Variants in CDK19 observed in about 807,000 individuals in gnomAD.
The protein encoded by CDK19 is cyclin dependent kinase 19.
In CDK19, 20 loss-of-function variants were observed where a neutral mutation model predicts 68.3. The ratio of observed to expected loss-of-function variants is 0.29; its 90% CI spans 0.21 to 0.43. CDK19 has a LOEUF of 0.43. Among genes scored for constraint, CDK19 ranks in the 20% least tolerant of loss-of-function variants. The pLI, the probability that CDK19 is intolerant of heterozygous loss-of-function variation, is 1.00. For synonymous variants in CDK19, 221 were observed against 222.8 expected (o/e 0.99, Z 0.07); for missense variants, 339 against 623.5 (o/e 0.54, Z 4.86).
chr6:110,767,371 A>C (rs1272737200), intron 1 of CDK19, among the ~76,000 whole-genome samples: 2 of 151,544 alleles, frequency 1.3e-5, no homozygotes, highest in African/African-American at 4.8e-5. Flanking sequence ...TAAACCCAGC[A>C]CTTTGGGAGG....
intron 2 of CDK19, among the ~76,000 whole-genome samples, chr6:110,742,439 A>T (rs1777749653): frequency 6.6e-6 from 1 of 152,224 alleles, no homozygotes; most frequent in Non-Finnish European, 1.5e-5. Context: ...GTGCACCCTG[A>T]AAAAGAACAG....
intron 5 of CDK19, among the ~76,000 whole-genome samples, chr6:110,635,437 G>C (rs1466638033): frequency 1.3e-5 from 2 of 152,210 alleles, no homozygotes; most frequent in African/African-American, 4.8e-5. Flanking sequence ...AAGCATTTTA[G>C]GTAAGACCTG....
intron 1 of CDK19, chr6:110,813,711 A>C (rs1006593359): frequency 1.3e-5 from 1 of 74,094 alleles, no homozygotes; most frequent in Non-Finnish European, 2.6e-5. Flanking sequence ...AAAACACTTT[A>C]TAATAGAGTT....
chr6:110,808,944 C>G lies in CDK19; in HGVS notation c.128+6065G>C, dbSNP rs112724634. ...AAATGGGGCCAGGCGTGGTGGCTCA[C>G]ACTTGTAATCCCGGCACTTTGGGAG... On this transcript the variant is annotated intron_variant, in intron 1 of 12. Coordinates refer to ENST00000368911, the MANE Select transcript of CDK19 (RefSeq NM_015076.5). 5.2e-3 allele frequency among the ~76,000 whole-genome samples: 791 copies of G among 151,704 alleles called. 6 individuals are homozygous for G. Among genetic ancestry groups the G allele is most frequent in the African/African-American group, 0.019 (769 of 41,356 alleles).
intron 1 of CDK19, among the ~76,000 whole-genome samples, chr6:110,810,926 G>C (rs987063055): frequency 6.6e-6 from 1 of 151,968 alleles, no homozygotes; most frequent in African/African-American, 2.4e-5. Flanking sequence ...CATGCAAAAA[G>C]GTTTATACAG....
Position 110,814,933 on chromosome 6 carries a change from C to G in CDK19, c.128+76G>C, listed in dbSNP as rs527995800. 4 of 1,583,202 alleles carry G rather than the reference C, an allele frequency of 2.5e-6. No homozygotes were observed. In the African/African-American group the frequency reaches 4.2e-5, roughly 17 times the overall value. ...CCCTCGGGCACGGCCCGACTGGGAT[C>G]CGACCCACCCATCCCGCCAGGTCGC... On this transcript the variant is annotated intron_variant, in intron 1 of 12. Transcript: ENST00000368911.
intron 2 of CDK19, chr6:110,706,322 G>C (rs1331416368): frequency 1.3e-5 from 2 of 151,844 alleles, no homozygotes; most frequent in Non-Finnish European, 1.5e-5. Context: ...CAAAGTGCTA[G>C]GATTACAGAA....
chr6:110,804,286 T>C (rs761596618), intron 1 of CDK19, among the ~76,000 whole-genome samples: 10 of 152,300 alleles, frequency 6.6e-5, no homozygotes, highest in Non-Finnish European at 1.5e-4. Context: ...AAAGCCTCTA[T>C]AAGAAGAGTG....
chr6:110,693,698 C>A (rs906176164), intron 2 of CDK19, among the ~76,000 whole-genome samples: 2 of 152,084 alleles, frequency 1.3e-5, no homozygotes, highest in Non-Finnish European at 2.9e-5. Flanking sequence ...GGAACATAAT[C>A]CCATTGGCTT....
In CDK19 at chr6:110,668,365, G is replaced by C. The variant is rs374005742; in HGVS notation, c.316-791C>G. Among the ~76,000 whole-genome samples, 50 of 152,108 alleles carry C rather than the reference G, an allele frequency of 3.3e-4. 1 individual carries two copies. The South Asian group carries it at 0.01, about 31-fold the overall frequency. ...CCAGTAACTTTAAGATGACCAAATGGTATGTAAAATTATTAAGCTATTTAT... is the reference window on the plus strand; with the variant it reads ...CCAGTAACTTTAAGATGACCAAATGCTATGTAAAATTATTAAGCTATTTAT... On this transcript the variant is annotated intron_variant, in intron 3 of 12. Coordinates refer to ENST00000368911, the MANE Select transcript of CDK19 (RefSeq NM_015076.5).
chr6:110,789,201 C>T (rs775386040), intron 1 of CDK19, among the ~76,000 whole-genome samples: 6 of 152,106 alleles, frequency 3.9e-5, no homozygotes, highest in Non-Finnish European at 8.8e-5. Context: ...TATACCTTTA[C>T]ATTTGTTTAC....
chr6:110,709,370 G>C (rs1184151406), intron 2 of CDK19, among the ~76,000 whole-genome samples: 1 of 152,078 alleles, frequency 6.6e-6, no homozygotes, highest in Non-Finnish European at 1.5e-5. Flanking sequence ...GTGGAGGGCT[G>C]GGGGAGGGAT....
intron 1 of CDK19, among the ~76,000 whole-genome samples, chr6:110,767,233 G>A (rs1374666965): frequency 3.3e-5 from 5 of 152,014 alleles, no homozygotes; most frequent in African/African-American, 1.2e-4. Context: ...GCCAGGGGAT[G>A]GGGAGAAAAG....
At chr6:110,705,877 T>C (rs1774425051) in intron 2 of CDK19, among the ~76,000 whole-genome samples, 1 of 151,962 alleles carries the variant, frequency 6.6e-6, no homozygotes, top group Non-Finnish European at 1.5e-5. Context: ...GGGATAGCAT[T>C]AGGAGAAATA....
chr6:110,687,810 T>A (rs905712649), intron 2 of CDK19, among the ~76,000 whole-genome samples: 4 of 152,202 alleles, frequency 2.6e-5, no homozygotes, highest in African/African-American at 7.2e-5. Context: ...ATTATAATAA[T>A]GAAGAATAAG....
chr6:110,776,429 C>CAA (rs56306619), intron 1 of CDK19, among the ~76,000 whole-genome samples: 3 of 127,052 alleles, frequency 2.4e-5, no homozygotes, highest in East Asian at 4.1e-4. Context: ...AACTCTGTCT[C>CAA]AAAAAAAAAA....
chr6:110,748,960 G>T (rs1778266607), intron 1 of CDK19, among the ~76,000 whole-genome samples: 1 of 152,214 alleles, frequency 6.6e-6, no homozygotes, highest in African/African-American at 2.4e-5. Context: ...TTTAGAGGCA[G>T]CTTAGTTCCT....
At chr6:110,782,222 C>T (rs181602679) in intron 1 of CDK19, among the ~76,000 whole-genome samples, 1 of 152,296 alleles carries the variant, frequency 6.6e-6, no homozygotes, top group Admixed American at 6.5e-5. Flanking sequence ...AATTATGCTG[C>T]TAGCAACAAC....
chr6:110,760,165 G>A (rs909648975), intron 1 of CDK19, among the ~76,000 whole-genome samples: 2 of 152,046 alleles, frequency 1.3e-5, no homozygotes, highest in Non-Finnish European at 2.9e-5. Context: ...GGAGGCCGAG[G>A]CAGGCAGATC....
Sources: allele counts gnomAD v4.1 joint callset (sites outside exome capture counted in the v4.1 genomes callset), GRCh38; gene constraint gnomAD v4.1.1; transcripts MANE v1.5; gene names NCBI Gene and HGNC (gene_info 2026-07-23, HGNC 2026-07-21).